Variants in SIK3 observed in about 807,000 individuals in gnomAD.
SIK3 encodes serine/threonine-protein kinase SIK3.
SIK3 carries 28 observed loss-of-function variants against 144.2 expected under a neutral mutation model. The observed-to-expected ratio is 0.19, with a 90% CI of 0.14 to 0.27. The LOEUF is 0.27. Among genes scored for constraint, SIK3 ranks in the 10% least tolerant of loss-of-function variants. The probability of loss-of-function intolerance (pLI) is 1.00; values close to 1 mark genes in which losing one functional copy is unlikely to be tolerated. For synonymous variants in SIK3, 686 were observed against 676.3 expected (o/e 1.01, Z -0.22); for missense variants, 1,319 against 1,776.0 (o/e 0.74, Z 4.62).
Position 116,865,599 on chromosome 11 carries a change from A to AT in SIK3, c.1953-1782dup, listed in dbSNP as rs573652895. Among the ~76,000 whole-genome samples the AT allele has an allele frequency of 7.0e-4, 107 of 152,298 alleles. 1 individual carries two copies. The highest frequency in any genetic ancestry group is 2.5e-3 in the African/African-American group (103 of 41,576). ...ATCTATCTTGTGTTAGTTTAAAAAAATTTTTTAGTTACACTTTTTAAAACA... is the reference window on the plus strand; with the variant it reads ...ATCTATCTTGTGTTAGTTTAAAAAAATTTTTTTAGTTACACTTTTTAAAACA... On this transcript the variant is annotated intron_variant, in intron 15 of 24. Transcript: ENST00000445177.
chr11:117,087,477 A>G (rs886960303), intron 1 of SIK3, among the ~76,000 whole-genome samples: 2 of 152,110 alleles, frequency 1.3e-5, no homozygotes, highest in South Asian at 4.1e-4. Flanking sequence ...AATTCTTGTC[A>G]TTCCTCTTCC....
At position 117,063,678 on chromosome 11, in the gene SIK3, C is replaced by T. The variant is rs551565504; in HGVS notation, c.273+34465G>A. 1.4e-4 allele frequency among the ~76,000 whole-genome samples: 21 copies of T among 151,474 alleles called. No homozygotes were observed. In the South Asian group the frequency reaches 3.3e-3, roughly 24 times the overall value. On this transcript the variant is annotated intron_variant, in intron 1 of 24. Coordinates refer to ENST00000445177, the MANE Select transcript of SIK3 (RefSeq NM_001366686.3). ...TCGGCTCACTGCAACCTCTGTCTCC[C>T]GGGCCTCAGCCTCCCAAGTAGCTGG...
intron 2 of SIK3, among the ~76,000 whole-genome samples, chr11:116,956,031 C>G (rs1424611795): frequency 6.6e-6 from 1 of 152,182 alleles, no homozygotes; most frequent in Non-Finnish European, 1.5e-5. Flanking sequence ...TGCAGACTAA[C>G]AGCAGCAAAA....
chr11:116,986,690 T>C (rs1950337196), intron 1 of SIK3, among the ~76,000 whole-genome samples: 1 of 152,224 alleles, frequency 6.6e-6, no homozygotes, highest in Non-Finnish European at 1.5e-5. Context: ...TCACTAGCTA[T>C]TGTCATCATC....
chr11:116,851,400 T>C (rs1942426496), intron 21 of SIK3, among the ~76,000 whole-genome samples: 1 of 152,348 alleles, frequency 6.6e-6, no homozygotes, highest in Non-Finnish European at 1.5e-5. Context: ...AAGTAAAGCA[T>C]ACTTCTTGAA....
chr11:116,988,095 A>C (rs1591486255), intron 1 of SIK3, among the ~76,000 whole-genome samples: 1 of 152,194 alleles, frequency 6.6e-6, no homozygotes, highest in Admixed American at 6.5e-5. Flanking sequence ...CCTAAGTACA[A>C]AATAAAGAGA....
chr11:117,021,959 A>AAAAAAAAAAAAAAAAC (rs1565565812), intron 1 of SIK3, among the ~76,000 whole-genome samples: 4 of 141,466 alleles, frequency 2.8e-5, no homozygotes, highest in Admixed American at 7.1e-5. Flanking sequence ...AAAAAAAAAA[A>AAAAAAAAAAAAAAAAC]AACCTAAAAA....
At chr11:116,970,707 A>G (rs1462015030) in intron 1 of SIK3, among the ~76,000 whole-genome samples, 2 of 152,010 alleles carry the variant, frequency 1.3e-5, no homozygotes, top group Non-Finnish European at 2.9e-5. Flanking sequence ...CTGGAGTGCA[A>G]TGATGTGATA....
chr11:116,935,306 AATTT>A (rs1397870593), intron 3 of SIK3, among the ~76,000 whole-genome samples: 3 of 151,332 alleles, frequency 2.0e-5, no homozygotes, highest in Non-Finnish European at 4.4e-5. Flanking sequence ...AATACTTATT[AATTT>A]ATTATTATAA....
intron 1 of SIK3, among the ~76,000 whole-genome samples, chr11:116,980,717 T>G (rs1185130290): frequency 1.3e-5 from 2 of 152,092 alleles, no homozygotes; most frequent in African/African-American, 4.8e-5. Flanking sequence ...CTGAGTATAG[T>G]GGTGCCTGCC....
chr11:116,923,815 G>A (rs910894884), intron 4 of SIK3, among the ~76,000 whole-genome samples: 6 of 152,146 alleles, frequency 3.9e-5, no homozygotes, highest in African/African-American at 1.4e-4. Context: ...TATATCAGCA[G>A]GTAGACACTC....
intron 1 of SIK3, among the ~76,000 whole-genome samples, chr11:117,065,941 A>G (rs956244636): frequency 6.6e-6 from 1 of 151,824 alleles, no homozygotes; most frequent in African/African-American, 2.4e-5. Context: ...CCATAAATTG[A>G]TTTTAATGAA....
intron 1 of SIK3, among the ~76,000 whole-genome samples, chr11:116,985,084 T>C (rs954391474): frequency 1.3e-5 from 2 of 152,248 alleles, no homozygotes; most frequent in Non-Finnish European, 2.9e-5. Context: ...ATTCATCTAT[T>C]TTGTGTTTTA....
At chr11:116,921,577 GC>G (rs1012965594) in intron 4 of SIK3, among the ~76,000 whole-genome samples, 4 of 149,820 alleles carry the variant, frequency 2.7e-5, no homozygotes, top group Non-Finnish European at 5.9e-5. Context: ...TCACTATGTT[GC>G]CCCAGGTCTC....
intron 4 of SIK3, among the ~76,000 whole-genome samples, chr11:116,921,062 C>G (rs1251057631): frequency 1.3e-5 from 2 of 152,214 alleles, no homozygotes; most frequent in Non-Finnish European, 2.9e-5. Context: ...AGTCCTTCAA[C>G]TGCTCTTCTG....
At chr11:116,949,037 A>C (rs1290894108) in intron 3 of SIK3, among the ~76,000 whole-genome samples, 3 of 152,220 alleles carry the variant, frequency 2.0e-5, no homozygotes, top group Non-Finnish European at 2.9e-5. Context: ...AAGTGAATTC[A>C]GAAAATACTT....
chr11:116,853,718 A>T (rs1484858923), intron 21 of SIK3, among the ~76,000 whole-genome samples: 1 of 152,246 alleles, frequency 6.6e-6, no homozygotes, highest in African/African-American at 2.4e-5. Context: ...AGGCTGACTG[A>T]GCTCAGAGAA....
chr11:116,968,669 A>G (rs1415827271), intron 1 of SIK3, among the ~76,000 whole-genome samples: 5 of 152,234 alleles, frequency 3.3e-5, no homozygotes, highest in Non-Finnish European at 7.3e-5. Flanking sequence ...GACATCCTAA[A>G]TACTGACCTT....
chr11:116,900,861 ATTTATT>A (rs1206635976), intron 4 of SIK3, among the ~76,000 whole-genome samples: 1 of 146,596 alleles, frequency 6.8e-6, no homozygotes, highest in African/African-American at 2.7e-5. Context: ...CATATATATT[ATTTATT>A]TTTTTTTTTT....
Sources: allele counts gnomAD v4.1 joint callset (sites outside exome capture counted in the v4.1 genomes callset), GRCh38; gene constraint gnomAD v4.1.1; transcripts MANE v1.5; gene names NCBI Gene and HGNC (gene_info 2026-07-23, HGNC 2026-07-21).